Variants in SHANK2 observed in about 807,000 individuals in gnomAD.
SHANK2 encodes the protein SH3 and multiple ankyrin repeat domains 2.
SHANK2 carries 43 observed loss-of-function variants against 133.7 expected under a neutral mutation model. The observed-to-expected ratio is 0.32, with a 90% CI of 0.25 to 0.41. The LOEUF (loss-of-function observed/expected upper bound fraction) is 0.41. Among genes scored for constraint, SHANK2 ranks in the 10% least tolerant of loss-of-function variants. SHANK2 has a pLI of 1.00. For missense variants in SHANK2, 1,994 were observed against 2,235.8 expected (o/e 0.89, Z 2.18); for synonymous variants, 1,017 against 952.8 (o/e 1.07, Z -1.24).
chr11:71,136,575 A>G (rs1288953793), intron 3 of SHANK2, among the ~76,000 whole-genome samples: 8 of 152,224 alleles, frequency 5.3e-5, no homozygotes, highest in African/African-American at 1.7e-4. Flanking sequence ...CTTTACCTCT[A>G]TGCAACATTC....
intron 17 of SHANK2, among the ~76,000 whole-genome samples, chr11:70,656,541 C>T (rs1453687038): frequency 2.0e-5 from 3 of 152,166 alleles, no homozygotes; most frequent in African/African-American, 7.2e-5. Flanking sequence ...CTCCTTCTCC[C>T]CTGGGCTGGC....
intron 11 of SHANK2, among the ~76,000 whole-genome samples, chr11:70,834,563 A>G: frequency 6.6e-6 from 1 of 152,240 alleles, no homozygotes; most frequent in East Asian, 1.9e-4. Flanking sequence ...ATCCCCCACC[A>G]GATCCAAAAT....
intron 10 of SHANK2, chr11:70,950,145 G>A (rs1332829420): frequency 2.2e-6 from 1 of 456,100 alleles, no homozygotes; most frequent in South Asian, 1.5e-5. Context: ...TGCAACCTCT[G>A]TCTCCCGGGT....
intron 6 of SHANK2, among the ~76,000 whole-genome samples, chr11:71,106,890 C>T (rs968015597): frequency 3.3e-5 from 5 of 152,022 alleles, no homozygotes; most frequent in East Asian, 3.9e-4. Flanking sequence ...TTCGGAAGGC[C>T]GAGGCCGGTG....
intron 10 of SHANK2, among the ~76,000 whole-genome samples, chr11:70,937,212 A>G (rs1284621938): frequency 6.6e-6 from 1 of 152,218 alleles, no homozygotes; most frequent in East Asian, 1.9e-4. Context: ...ACCAAACACT[A>G]GATGCACAGA....
intron 15 of SHANK2, among the ~76,000 whole-genome samples, chr11:70,697,498 T>A (rs1286778230): frequency 1.3e-5 from 2 of 151,602 alleles, no homozygotes; most frequent in Non-Finnish European, 2.9e-5. Context: ...GGAGTGGGAG[T>A]GACTGCTAAT....
chr11:70,866,227 G>A (rs768403573), intron 11 of SHANK2, among the ~76,000 whole-genome samples: 4 of 152,162 alleles, frequency 2.6e-5, no homozygotes, highest in Non-Finnish European at 4.4e-5. Flanking sequence ...ACCACCGAGT[G>A]GCTCCCCTGC....
At chr11:70,721,984 T>C (rs1378787862) in intron 14 of SHANK2, among the ~76,000 whole-genome samples, 3 of 152,316 alleles carry the variant, frequency 2.0e-5, no homozygotes, top group East Asian at 3.9e-4. Flanking sequence ...GAGGTGTGAG[T>C]GCACCTCATG....
At chr11:70,640,592 G>C (rs548837211) in intron 17 of SHANK2, among the ~76,000 whole-genome samples, 1 of 152,256 alleles carries the variant, frequency 6.6e-6, no homozygotes, top group South Asian at 2.1e-4. Context: ...AGGACTGCAC[G>C]AAGCTGAGGC....
intron 14 of SHANK2, among the ~76,000 whole-genome samples, chr11:70,709,981 A>G (rs1555025792): frequency 6.6e-6 from 1 of 152,076 alleles, no homozygotes; most frequent in Non-Finnish European, 1.5e-5. Flanking sequence ...GGAGAAGTAA[A>G]GGAGGATGAA....
intron 14 of SHANK2, among the ~76,000 whole-genome samples, chr11:70,706,822 G>C (rs1228493655): frequency 1.3e-5 from 2 of 152,022 alleles, no homozygotes; most frequent in Non-Finnish European, 2.9e-5. Flanking sequence ...GTGACAGATT[G>C]CATGACAAGC....
At chr11:71,217,402 G>T (rs1487024058) in intron 2 of SHANK2, among the ~76,000 whole-genome samples, 1 of 152,046 alleles carries the variant, frequency 6.6e-6, no homozygotes, top group African/African-American at 2.4e-5. Flanking sequence ...CTACCTGGGA[G>T]GCTGAGGCTG....
chr11:70,895,834 A>G (rs1456354824), intron 11 of SHANK2, among the ~76,000 whole-genome samples: 1 of 151,946 alleles, frequency 6.6e-6, no homozygotes, highest in Admixed American at 6.6e-5. Context: ...TTTTCTTTTT[A>G]GATTTTTAAA....
chr11:71,085,705 G>GTT (rs1324644363), intron 8 of SHANK2, among the ~76,000 whole-genome samples: 1 of 18,182 alleles, frequency 5.5e-5, no homozygotes, highest in Non-Finnish European at 1.0e-4. Flanking sequence ...CATATTATAT[G>GTT]TTATATATAT....
At chr11:70,844,920 G>C (rs908688854) in intron 11 of SHANK2, among the ~76,000 whole-genome samples, 11 of 152,052 alleles carry the variant, frequency 7.2e-5, no homozygotes, top group African/African-American at 2.2e-4. Context: ...ATAAAATAGG[G>C]CTGGGTGCAG....
chr11:70,848,199 A>G (rs1265948189), intron 11 of SHANK2, among the ~76,000 whole-genome samples: 1 of 152,244 alleles, frequency 6.6e-6, no homozygotes, highest in East Asian at 1.9e-4. Flanking sequence ...CCTAAAAAAG[A>G]AGCCAGAACT....
intron 3 of SHANK2, among the ~76,000 whole-genome samples, chr11:71,145,689 T>A (rs1485431805): frequency 6.6e-6 from 1 of 152,256 alleles, no homozygotes; most frequent in East Asian, 1.9e-4. Flanking sequence ...GCTGGGACCC[T>A]GGATGGGCAC....
chr11:71,126,725 C>CTTTTTTTTTT (rs200961805), intron 3 of SHANK2, among the ~76,000 whole-genome samples: 1 of 130,282 alleles, frequency 7.7e-6, no homozygotes, highest in African/African-American at 2.9e-5. Context: ...TCATAAACGA[C>CTTTTTTTTTT]TTTTTTTTTT....
chr11:71,071,957 T>C (rs1951148576), intron 9 of SHANK2, among the ~76,000 whole-genome samples: 1 of 152,156 alleles, frequency 6.6e-6, no homozygotes. Flanking sequence ...TCCTCCAGGA[T>C]AAAGAGCCAC....
Sources: gnomAD v4.1 joint callset for allele counts (sites outside exome capture counted in the v4.1 genomes callset) on GRCh38, gnomAD v4.1.1 for gene constraint, MANE v1.5 for transcripts, NCBI Gene and HGNC (gene_info 2026-07-23, HGNC 2026-07-21) for gene names.